GALNT13: variants seen among roughly 807,000 people sequenced by gnomAD.
The protein encoded by GALNT13 is polypeptide N-acetylgalactosaminyltransferase 13, also known as UDP-GalNAc:polypeptide N-acetylgalactosaminyltransferase 13.
Under a neutral mutation model 64.2 loss-of-function variants are expected in GALNT13, and 28 were observed. The observed-to-expected ratio is 0.44, with a 90% CI of 0.32 to 0.60. The LOEUF is 0.60. Among genes scored for constraint, GALNT13 ranks in the 20% least tolerant of loss-of-function variants. The pLI is 0.05. For synonymous variants in GALNT13, 214 were observed against 224.6 expected (o/e 0.95, Z 0.42); for missense variants, 577 against 669.8 (o/e 0.86, Z 1.53).
At chr2:153,308,065 A>T in the GALNT13 span, among the ~76,000 whole-genome samples, 1 of 152,162 alleles carries the variant, frequency 6.6e-6, no homozygotes, top group Non-Finnish European at 1.5e-5. Flanking sequence ...AGACAAAAAT[A>T]TTCAGAAAAA....
chr2:153,072,511 C>A, the GALNT13 span, among the ~76,000 whole-genome samples: 3 of 152,268 alleles, frequency 2.0e-5, no homozygotes, highest in East Asian at 5.8e-4. Flanking sequence ...TATAGGGAAG[C>A]GGTACTTCTC....
intron 8 of GALNT13, among the ~76,000 whole-genome samples, chr2:154,297,766 GAAAT>G (rs751568811): frequency 7.9e-5 from 12 of 152,066 alleles, no homozygotes; most frequent in Non-Finnish European, 1.3e-4. Context: ...GATGATGAAA[GAAAT>G]AAGTCAATGA....
chr2:153,986,491 C>G (rs946302667), intron 3 of GALNT13, among the ~76,000 whole-genome samples: 2 of 151,928 alleles, frequency 1.3e-5, no homozygotes, highest in Non-Finnish European at 2.9e-5. Context: ...TTGAAAATCA[C>G]TACCTGGAGT....
the GALNT13 span, among the ~76,000 whole-genome samples, chr2:153,258,862 C>T: frequency 4.6e-5 from 7 of 152,060 alleles, no homozygotes; most frequent in Non-Finnish European, 1.0e-4. Context: ...TGTTTTGTTG[C>T]CTAACATATG....
At chr2:153,385,981 T>C in the GALNT13 span, among the ~76,000 whole-genome samples, 4 of 152,088 alleles carry the variant, frequency 2.6e-5, no homozygotes, top group African/African-American at 9.6e-5. Flanking sequence ...TTTCAGTTTC[T>C]GTACCATGAT....
chr2:153,074,471 G>C, the GALNT13 span, among the ~76,000 whole-genome samples: 4 of 152,242 alleles, frequency 2.6e-5, no homozygotes, highest in East Asian at 7.7e-4. Context: ...TTCATTGTGT[G>C]AACATCAGAG....
intron 3 of GALNT13, among the ~76,000 whole-genome samples, chr2:153,988,581 C>T (rs1178776222): frequency 6.6e-6 from 1 of 151,786 alleles, no homozygotes. Flanking sequence ...TTGATGGGCA[C>T]ATAGGTTGAT....
the GALNT13 span, among the ~76,000 whole-genome samples, chr2:153,567,312 C>A: frequency 6.6e-6 from 1 of 152,222 alleles, no homozygotes; most frequent in South Asian, 2.1e-4. Context: ...TTGGAATGCT[C>A]TTCAGAAATC....
At chr2:154,022,595 T>C (rs1457095366) in intron 3 of GALNT13, among the ~76,000 whole-genome samples, 1 of 152,178 alleles carries the variant, frequency 6.6e-6, no homozygotes, top group African/African-American at 2.4e-5. Context: ...TTTTCTTCTT[T>C]ATTAGTCTTG....
chr2:154,088,490 T>G (rs1021016139), intron 3 of GALNT13, among the ~76,000 whole-genome samples: 1 of 152,162 alleles, frequency 6.6e-6, no homozygotes, highest in Non-Finnish European at 1.5e-5. Flanking sequence ...TTGCTCTTGT[T>G]GCCTAGGCTG....
chr2:153,696,084 T>C, the GALNT13 span, among the ~76,000 whole-genome samples: 4 of 152,154 alleles, frequency 2.6e-5, no homozygotes, highest in African/African-American at 9.6e-5. Flanking sequence ...CAATAGGCCA[T>C]CTGCAAGCTG....
At chr2:153,828,042 C>T in the GALNT13 span, among the ~76,000 whole-genome samples, 56 of 152,352 alleles carry the variant, frequency 3.7e-4, no homozygotes, top group Admixed American at 1.6e-3. Context: ...ATCCAGGTCA[C>T]GCTGATGCAA....
the GALNT13 span, among the ~76,000 whole-genome samples, chr2:153,751,288 G>A: frequency 6.6e-6 from 1 of 151,842 alleles, no homozygotes; most frequent in African/African-American, 2.4e-5. Flanking sequence ...TTGTGCAGCT[G>A]TTGGATGATA....
the GALNT13 span, among the ~76,000 whole-genome samples, chr2:153,773,443 GC>G: frequency 6.6e-6 from 1 of 152,176 alleles, no homozygotes; most frequent in Non-Finnish European, 1.5e-5. Flanking sequence ...TCAGTCACTT[GC>G]CACTTTAATT....
At chr2:153,638,067 T>C in the GALNT13 span, among the ~76,000 whole-genome samples, 1 of 150,764 alleles carries the variant, frequency 6.6e-6, no homozygotes, top group Non-Finnish European at 1.5e-5. Context: ...AGTAAACCTT[T>C]TGGATACACT....
At position 154,329,015 on chromosome 2, in the gene GALNT13, A is replaced by T. The variant is rs548074200; in HGVS notation, c.1156+27426A>T. Among the ~76,000 whole-genome samples, 21 of 152,114 alleles carry T rather than the reference A, an allele frequency of 1.4e-4. No individual in the cohort carries two copies. The South Asian group carries it at 4.4e-3, about 32-fold the overall frequency. The stretch of plus-strand genomic sequence containing the variant: ...TTTGTATTTTATCTTTTCCTTATTG[A>T]CCTTAAGGTATTCTATATACTTTGT... On this transcript the variant is annotated intron_variant, in intron 9 of 12. Transcript: ENST00000392825.
the GALNT13 span, among the ~76,000 whole-genome samples, chr2:153,862,901 A>T: frequency 6.6e-6 from 1 of 152,112 alleles, no homozygotes; most frequent in African/African-American, 2.4e-5. Context: ...CCCTTTATTT[A>T]GTTAGCTAAG....
chr2:153,500,163 T>A, the GALNT13 span, among the ~76,000 whole-genome samples: 3 of 152,204 alleles, frequency 2.0e-5, no homozygotes, highest in African/African-American at 4.8e-5. Context: ...ACAGGGGGCA[T>A]GTTTTGGGGA....
At chr2:153,518,308 C>T in the GALNT13 span, among the ~76,000 whole-genome samples, 2 of 152,262 alleles carry the variant, frequency 1.3e-5, no homozygotes, top group Non-Finnish European at 2.9e-5. Context: ...TAGTGCTGTA[C>T]TGCATGCTCT....
Sources: allele counts gnomAD v4.1 joint callset (sites outside exome capture counted in the v4.1 genomes callset), GRCh38; gene constraint gnomAD v4.1.1; transcripts MANE v1.5; gene names NCBI Gene and HGNC (gene_info 2026-07-23, HGNC 2026-07-21).